Variants in BMPR1B observed in about 807,000 individuals in gnomAD.
BMPR1B encodes the protein bone morphogenetic protein receptor type-1B.
Under a neutral mutation model 59.1 loss-of-function variants are expected in BMPR1B, and 12 were observed. The ratio of observed to expected loss-of-function variants is 0.20; its 90% CI spans 0.13 to 0.33. The LOEUF (loss-of-function observed/expected upper bound fraction) is 0.33, where lower values mean the gene tolerates loss of function less well. BMPR1B is among the 10% of genes least tolerant of loss of function. BMPR1B has a pLI of 1.00. For missense variants in BMPR1B, 550 were observed against 610.9 expected, an observed-to-expected ratio of 0.90 and a Z score of 1.05; for synonymous variants, 237 against 207.3, an observed-to-expected ratio of 1.14 and a Z score of -1.23.
intron 2 of BMPR1B, among the ~76,000 whole-genome samples, chr4:94,887,549 A>G (rs183368985): frequency 2.6e-5 from 4 of 151,964 alleles, no homozygotes. Flanking sequence ...GCAGGGAGAG[A>G]TGAAAAACTA....
At chr4:95,116,897 G>A (rs2149281067) in intron 6 of BMPR1B, among the ~76,000 whole-genome samples, 1 of 152,070 alleles carries the variant, frequency 6.6e-6, no homozygotes, top group East Asian at 1.9e-4. Context: ...ATTGTGGCAG[G>A]CAACATGCTA....
chr4:94,954,392 C>T (rs963104271), intron 2 of BMPR1B, among the ~76,000 whole-genome samples: 1 of 152,198 alleles, frequency 6.6e-6, no homozygotes, highest in African/African-American at 2.4e-5. Flanking sequence ...AACTCTGCAG[C>T]TTTGGCTAGA....
At chr4:94,858,467 T>C (rs1725855841) in intron 1 of BMPR1B, among the ~76,000 whole-genome samples, 1 of 152,172 alleles carries the variant, frequency 6.6e-6, no homozygotes, top group Non-Finnish European at 1.5e-5. Flanking sequence ...CATGCCATAA[T>C]TTTTTTCTAT....
chr4:94,959,460 T>C (rs1277423058), intron 2 of BMPR1B, among the ~76,000 whole-genome samples: 1 of 152,180 alleles, frequency 6.6e-6, no homozygotes, highest in Non-Finnish European at 1.5e-5. Context: ...GATGGACTCA[T>C]TGGTAATCCA....
At chr4:94,821,030 T>C (rs1403829971) in intron 1 of BMPR1B, among the ~76,000 whole-genome samples, 1 of 152,180 alleles carries the variant, frequency 6.6e-6, no homozygotes, top group Non-Finnish European at 1.5e-5. Context: ...AAAGAATCTG[T>C]TTATAAACTG....
At chr4:95,052,402 G>A (rs1726569764) in intron 3 of BMPR1B, among the ~76,000 whole-genome samples, 1 of 152,140 alleles carries the variant, frequency 6.6e-6, no homozygotes. Flanking sequence ...AAGAGTGGTT[G>A]AGCTATTTTC....
chr4:94,788,068 C>T (rs867160370), intron 1 of BMPR1B, among the ~76,000 whole-genome samples: 3 of 152,138 alleles, frequency 2.0e-5, no homozygotes, highest in South Asian at 2.1e-4. Flanking sequence ...GTTGGATTTA[C>T]CTTCTGCCAT....
At chr4:94,821,246 G>A (rs774307225) in intron 1 of BMPR1B, among the ~76,000 whole-genome samples, 11 of 152,252 alleles carry the variant, frequency 7.2e-5, no homozygotes, top group East Asian at 1.9e-4. Flanking sequence ...AAGCCAAAAG[G>A]TGTTGCAGCC....
At chr4:95,151,558 C>T (rs2149329139) in intron 11 of BMPR1B, among the ~76,000 whole-genome samples, 1 of 152,238 alleles carries the variant, frequency 6.6e-6, no homozygotes, top group East Asian at 1.9e-4. Context: ...GTGGTCACAG[C>T]AGGGCACAGG....
At chr4:94,849,614 C>T (rs1027328684) in intron 1 of BMPR1B, among the ~76,000 whole-genome samples, 3 of 151,894 alleles carry the variant, frequency 2.0e-5, no homozygotes, top group East Asian at 1.9e-4. Context: ...TGCTGTAGTG[C>T]TGTGCTTGAG....
chr4:94,808,388 A>G (rs945626992), intron 1 of BMPR1B, among the ~76,000 whole-genome samples: 1 of 152,214 alleles, frequency 6.6e-6, no homozygotes, highest in Non-Finnish European at 1.5e-5. Context: ...ATATAGCAAC[A>G]TTACATAATT....
At chr4:94,854,204 A>G (rs1376281376) in intron 1 of BMPR1B, among the ~76,000 whole-genome samples, 1 of 152,156 alleles carries the variant, frequency 6.6e-6, no homozygotes, top group Non-Finnish European at 1.5e-5. Flanking sequence ...AAAAATGGAC[A>G]TGATGCTCTA....
In BMPR1B at chr4:94,944,096, A is replaced by G. The variant is rs1304195219; in HGVS notation, c.-112-51944A>G. 3.3e-5 allele frequency among the ~76,000 whole-genome samples: 5 copies of G among 152,148 alleles called. No individual in the cohort carries two copies. The East Asian group carries it at 5.8e-4, about 18-fold the overall frequency. On this transcript the variant is annotated intron_variant, in intron 2 of 12. Coordinates refer to ENST00000515059, the MANE Select transcript of BMPR1B (RefSeq NM_001203.3). ...TATAAAATTACCTCAGGCAATATGTATAAGGTATATATGAAACATAAATGA... is the reference window on the plus strand; with the variant it reads ...TATAAAATTACCTCAGGCAATATGTGTAAGGTATATATGAAACATAAATGA...
At chr4:95,111,345 C>T (rs908323136) in intron 4 of BMPR1B, among the ~76,000 whole-genome samples, 11 of 151,904 alleles carry the variant, frequency 7.2e-5, no homozygotes, top group African/African-American at 2.7e-4. Flanking sequence ...ATATGAACAA[C>T]CCTGGGGTTT....
intron 10 of BMPR1B, among the ~76,000 whole-genome samples, chr4:95,148,239 C>T (rs1734783578): frequency 1.3e-5 from 2 of 152,074 alleles, no homozygotes; most frequent in African/African-American, 4.8e-5. Context: ...ATGAAATTGT[C>T]ATGTGTGCAT....
chr4:95,118,876 C>G (rs1425991949), intron 6 of BMPR1B, among the ~76,000 whole-genome samples: 4 of 151,966 alleles, frequency 2.6e-5, no homozygotes, highest in Non-Finnish European at 5.9e-5. Flanking sequence ...GGTTATGGGG[C>G]AAATAAAAGG....
chr4:95,139,826 C>T lies in BMPR1B; in HGVS notation c.1076+8314C>T, dbSNP rs142444084. Among the ~76,000 whole-genome samples the T allele has an allele frequency of 3.6e-3, 548 of 152,280 alleles. 6 individuals carry two copies. The highest frequency in any genetic ancestry group is 0.01 in the Middle Eastern group (3 of 294). On this transcript the variant is annotated intron_variant, in intron 10 of 12. Transcript: ENST00000515059. ...GGGAGTGTTCCAATTTTCCAGGTAC[C>T]GTGTGTCATGGCTTCCCTTGGCTAG...
chr4:95,110,581 T>C (rs545545750), intron 4 of BMPR1B, among the ~76,000 whole-genome samples: 8 of 152,252 alleles, frequency 5.3e-5, no homozygotes, highest in Admixed American at 5.2e-4. Context: ...TCATCTAAGA[T>C]GATAGGGGAA....
At chr4:94,972,986 A>G (rs1273942368) in intron 2 of BMPR1B, among the ~76,000 whole-genome samples, 6 of 151,830 alleles carry the variant, frequency 4.0e-5, no homozygotes, top group Non-Finnish European at 7.4e-5. Flanking sequence ...GCAGGAACAA[A>G]CTCCATTTAC....
Sources: allele counts gnomAD v4.1 joint callset (sites outside exome capture counted in the v4.1 genomes callset), GRCh38; gene constraint gnomAD v4.1.1; transcripts MANE v1.5; gene names NCBI Gene and HGNC (gene_info 2026-07-23, HGNC 2026-07-21).